Variants in RBFOX1 observed in about 807,000 individuals in gnomAD.
The protein encoded by RBFOX1 is RNA binding protein fox-1 homolog 1.
A neutral mutation model predicts 57.7 loss-of-function variants in RBFOX1; 8 were observed. The ratio of observed to expected loss-of-function variants is 0.14; its 90% confidence interval spans 0.08 to 0.25. The LOEUF is 0.25. Among genes scored for constraint, RBFOX1 ranks in the 10% least tolerant of loss-of-function variants. The pLI is 1.00. For synonymous variants in RBFOX1, 326 were observed against 222.4 expected (o/e 1.47, Z -4.15); for missense variants, 611 against 548.5 (o/e 1.11, Z -1.14).
chr16:6,886,274 A>T (rs1289545031), intron 3 of RBFOX1, among the ~76,000 whole-genome samples: 1 of 151,648 alleles, frequency 6.6e-6, no homozygotes, highest in Non-Finnish European at 1.5e-5. Context: ...GTTGGCCAGG[A>T]TAGTCTCGAT....
At chr16:7,327,350 G>C (rs1328402918) in intron 4 of RBFOX1, among the ~76,000 whole-genome samples, 2 of 152,200 alleles carry the variant, frequency 1.3e-5, no homozygotes, top group East Asian at 3.8e-4. Flanking sequence ...TTGTATCGGA[G>C]GATGAATTTG....
At chr16:6,613,600 C>G (rs1167721803) in intron 2 of RBFOX1, among the ~76,000 whole-genome samples, 1 of 152,014 alleles carries the variant, frequency 6.6e-6, no homozygotes, top group African/African-American at 2.4e-5. Flanking sequence ...AAATCTAATT[C>G]CATAATATGA....
At chr16:6,772,024 T>A (rs8051818) in intron 3 of RBFOX1, among the ~76,000 whole-genome samples, 79,652 of 152,024 alleles carry the variant, frequency 0.52, 21,207 homozygotes, top group South Asian at 0.57. Context: ...TCCAGTAAAT[T>A]CCTGCTAAGT....
At chr16:7,036,741 AAAAAG>A (rs2044570394) in intron 3 of RBFOX1, among the ~76,000 whole-genome samples, 1 of 116,508 alleles carries the variant, frequency 8.6e-6, no homozygotes, top group African/African-American at 2.7e-5. Context: ...AAAGAAAAAA[AAAAAG>A]AAAGAATTCA....
intron 2 of RBFOX1, among the ~76,000 whole-genome samples, chr16:6,524,074 G>A (rs2096545430): frequency 6.6e-6 from 1 of 152,018 alleles, no homozygotes; most frequent in South Asian, 2.1e-4. Context: ...ACCCTGTTGT[G>A]CTATCAAACA....
chr16:6,869,777 G>A (rs922883231), intron 3 of RBFOX1, among the ~76,000 whole-genome samples: 1 of 152,188 alleles, frequency 6.6e-6, no homozygotes, highest in Non-Finnish European at 1.5e-5. Flanking sequence ...GCATCAGCTT[G>A]ATGTGGAATT....
chr16:7,275,998 C>A (rs910486099), intron 4 of RBFOX1, among the ~76,000 whole-genome samples: 4 of 152,196 alleles, frequency 2.6e-5, no homozygotes, highest in Non-Finnish European at 5.9e-5. Context: ...GCTGAGATTA[C>A]ACACTGCCTA....
At chr16:5,417,945 G>A (rs774176636) in intron 1 of RBFOX1, among the ~76,000 whole-genome samples, 1 of 152,154 alleles carries the variant, frequency 6.6e-6, no homozygotes, top group East Asian at 1.9e-4. Context: ...GCTGGGTGTT[G>A]TGGTGTACGC....
chr16:7,190,083 G>A lies in RBFOX1; in HGVS notation c.27+137985G>A, dbSNP rs1029863728. Reference sequence around the variant, plus strand: ...TAAATTTAAAATAAAAATCTTGGCCGGGCACAGTGGCTCACTCCTGTAATC... The same window carrying A: ...TAAATTTAAAATAAAAATCTTGGCCAGGCACAGTGGCTCACTCCTGTAATC... On this transcript the variant is annotated intron_variant, in intron 4 of 15. Transcript: ENST00000550418. Among the ~76,000 whole-genome samples, 10 of 152,284 alleles carry A rather than the reference G, an allele frequency of 6.6e-5. No individual in the cohort carries two copies. The South Asian group carries it at 1.2e-3, about 19-fold the overall frequency.
intron 3 of RBFOX1, among the ~76,000 whole-genome samples, chr16:6,788,375 C>A (rs1255055987): frequency 2.6e-5 from 4 of 152,026 alleles, no homozygotes; most frequent in African/African-American, 9.7e-5. Flanking sequence ...TACCTTGTAA[C>A]TAGTTTCATA....
intron 1 of RBFOX1, among the ~76,000 whole-genome samples, chr16:6,093,182 A>G (rs1049027241): frequency 6.6e-6 from 1 of 152,206 alleles, no homozygotes; most frequent in Non-Finnish European, 1.5e-5. Flanking sequence ...GTAAACAAGC[A>G]TCTGGAGATG....
At chr16:7,255,496 C>G (rs1221406756) in intron 4 of RBFOX1, among the ~76,000 whole-genome samples, 1 of 152,088 alleles carries the variant, frequency 6.6e-6, no homozygotes, top group Non-Finnish European at 1.5e-5. Context: ...ATATGTATTG[C>G]CATGGCAAGA....
chr16:6,139,399 A>C lies in RBFOX1; in HGVS notation c.-127+119407A>C, dbSNP rs1201082489. Among the ~76,000 whole-genome samples, 4 of 152,258 alleles carry C rather than the reference A, an allele frequency of 2.6e-5. No individual in the cohort carries two copies. In the South Asian group the frequency reaches 8.3e-4, roughly 32 times the overall value. ...TGGTCTTGCCCAAGTCACTTTCTCCATGTGGGATGTTCCAGGAGACTTTTG... is the reference window on the plus strand; with the variant it reads ...TGGTCTTGCCCAAGTCACTTTCTCCCTGTGGGATGTTCCAGGAGACTTTTG... On this transcript the variant is annotated intron_variant, in intron 1 of 15. Coordinates refer to ENST00000550418, the MANE Select transcript of RBFOX1 (RefSeq NM_018723.4).
intron 1 of RBFOX1, among the ~76,000 whole-genome samples, chr16:5,422,193 G>A (rs1309346166): frequency 1.3e-5 from 2 of 151,418 alleles, no homozygotes; most frequent in African/African-American, 4.9e-5. Context: ...AGAGGGAGAG[G>A]GAGGAAGGAG....
At chr16:5,614,805 G>A (rs1363620605) in intron 3 of RBFOX1, among the ~76,000 whole-genome samples, 4 of 152,078 alleles carry the variant, frequency 2.6e-5, no homozygotes, top group Admixed American at 6.5e-5. Flanking sequence ...AAAAACATCC[G>A]ACATTCATTC....
chr16:6,176,271 G>A (rs1031547456), intron 1 of RBFOX1, among the ~76,000 whole-genome samples: 67 of 149,570 alleles, frequency 4.5e-4, no homozygotes, highest in African/African-American at 1.6e-3. Flanking sequence ...TCAGCCTCCC[G>A]AGTAGCTGGG....
chr16:6,885,226 T>C (rs535629739), intron 3 of RBFOX1, among the ~76,000 whole-genome samples: 104 of 152,288 alleles, frequency 6.8e-4, no homozygotes, highest in African/African-American at 2.4e-3. Context: ...ACTGTGGTTT[T>C]TCAGATGTGG....
intron 1 of RBFOX1, among the ~76,000 whole-genome samples, chr16:6,239,906 G>C (rs576295616): frequency 6.6e-6 from 1 of 152,088 alleles, no homozygotes; most frequent in Non-Finnish European, 1.5e-5. Flanking sequence ...AGTTGTCCCC[G>C]CCCATATCTC....
intron 4 of RBFOX1, among the ~76,000 whole-genome samples, chr16:7,514,502 C>T (rs2075912019): frequency 6.6e-6 from 1 of 152,138 alleles, no homozygotes; most frequent in African/African-American, 2.4e-5. Flanking sequence ...AATAATCAGG[C>T]TGTGGCAGTG....
Sources: allele counts gnomAD v4.1 joint callset (sites outside exome capture counted in the v4.1 genomes callset), GRCh38; gene constraint gnomAD v4.1.1; transcripts MANE v1.5; gene names NCBI Gene and HGNC (gene_info 2026-07-23, HGNC 2026-07-21).